The following EFHC1 variants were observed in gnomAD, a reference collection of about 807,000 sequenced individuals.
The protein encoded by EFHC1 is EF-hand domain containing 1, also known as EF-hand domain-containing protein 1.
In EFHC1, 53 loss-of-function variants were observed where a neutral mutation model predicts 69.9. The observed-to-expected ratio is 0.76, with a 90% CI of 0.61 to 0.95. The LOEUF (loss-of-function observed/expected upper bound fraction) is 0.95. Ranked by LOEUF, EFHC1 falls within the 40% of genes least tolerant of loss-of-function variation. EFHC1 has a pLI of 0.00. For synonymous variants in EFHC1, 256 were observed against 278.4 expected, an observed-to-expected ratio of 0.92 and a Z score of 0.80; for missense variants, 739 against 798.7, an observed-to-expected ratio of 0.93 and a Z score of 0.90.
At position 52,495,581 on chromosome 6, in the gene EFHC1, T is replaced by C. The variant is rs774013389; in HGVS notation, c.*3240T>C. 1 of 453,984 alleles carries C rather than the reference T, an allele frequency of 2.2e-6. No individual in the cohort carries two copies. The highest frequency in any genetic ancestry group is 1.6e-5 in the South Asian group (1 of 64,450). The allele number at this position is 453,984 out of a possible 1,614,324, so 28.1% of individuals were successfully genotyped here. A position where few individuals can be genotyped will look rare whatever the true frequency, so the allele number is the denominator to read the frequency against. ...ATCCTCTAGCCTGCTTTTGGCTGTT[T>C]TGTTTTGTTTTTGTGTTTGTTTTTT... On this transcript the variant is annotated 3_prime_UTR_variant, in exon 11 of 11. Transcript: ENST00000371068.
intron 3 of EFHC1, among the ~76,000 whole-genome samples, chr6:52,442,743 C>A (rs1445919382): frequency 6.6e-6 from 1 of 152,164 alleles, no homozygotes. Flanking sequence ...GTGAATAGTG[C>A]CGCAATAAAC....
At chr6:52,492,159 T>C (rs990901131) in intron 10 of EFHC1, 111 bp from the exon 11 acceptor site, 8 of 946,822 alleles carry the variant, frequency 8.4e-6, no homozygotes, top group Non-Finnish European at 8.4e-6. Flanking sequence ...ATACAAAAAT[T>C]CTGAACTGAT....
At chr6:52,471,102 G>T (rs1020095100) in intron 7 of EFHC1, among the ~76,000 whole-genome samples, 1 of 152,226 alleles carries the variant, frequency 6.6e-6, no homozygotes, top group African/African-American at 2.4e-5. Context: ...AATGAGAACC[G>T]CAGAAGTGAA....
intron 5 of EFHC1, among the ~76,000 whole-genome samples, chr6:52,463,390 A>G (rs1002504948): frequency 1.1e-4 from 17 of 152,316 alleles, no homozygotes; most frequent in African/African-American, 3.8e-4. Flanking sequence ...ATCTTCAGCC[A>G]TTAAAGAAAT....
intron 2 of EFHC1, among the ~76,000 whole-genome samples, chr6:52,426,055 A>C (rs1008477714): frequency 6.6e-6 from 1 of 151,932 alleles, no homozygotes; most frequent in Non-Finnish European, 1.5e-5. Flanking sequence ...TTCATCTTCA[A>C]GTTTCATATT....
chr6:52,490,438 C>A, intron 10 of EFHC1, 88 bp downstream of exon 10: 2 of 1,131,862 alleles, frequency 1.8e-6, no homozygotes, highest in Non-Finnish European at 2.7e-6. Context: ...TATTTCACTA[C>A]AACTGGGCCA....
intron 3 of EFHC1, 116 bp from the exon 4 acceptor site, chr6:52,452,572 G>C: frequency 8.2e-7 from 1 of 1,226,540 alleles, no homozygotes; most frequent in Non-Finnish European, 1.2e-6. Context: ...AAAGTGCTGA[G>C]ATTGTAGGCC....
Position 52,493,552 on chromosome 6 carries a change from T to C in EFHC1, c.*1211T>C, listed in dbSNP as rs755509055. 2.3e-6 allele frequency: 1 copy of C among 434,488 alleles called. No homozygotes were observed. Among genetic ancestry groups the C allele is most frequent in the African/African-American group, 2.1e-5 (1 of 48,504 alleles). 26.9% of individuals were successfully genotyped at this position (434,488 alleles called of 1,614,324 possible). ...CTGTAGTCCCAGCCACTCGGGAGGC[T>C]TAAATGGGAGAATCACTTGAACCCT... On this transcript the variant is annotated 3_prime_UTR_variant, in exon 11 of 11. Coordinates refer to ENST00000371068, the MANE Select transcript of EFHC1 (RefSeq NM_018100.4).
chr6:52,423,403 GC>G (rs1764231574), intron 1 of EFHC1, among the ~76,000 whole-genome samples: 1 of 152,312 alleles, frequency 6.6e-6, no homozygotes, highest in Middle Eastern at 3.4e-3. Context: ...ACAGAGCACA[GC>G]TTTAAATTTT....
Position 52,449,768 on chromosome 6 carries a change from T to A in EFHC1, c.574-2920T>A, listed in dbSNP as rs541436596. ...TTTTTAATAAAAACCAACTCCTGGA[T>A]TCATTGATCTTTTGAATGGTTTTTT... On this transcript the variant is annotated intron_variant, in intron 3 of 10. Transcript: ENST00000371068. Among the ~76,000 whole-genome samples, 4 of 152,344 alleles carry A rather than the reference T, an allele frequency of 2.6e-5. No homozygotes were observed. In the East Asian group the frequency reaches 7.7e-4, roughly 29 times the overall value.
intron 3 of EFHC1, among the ~76,000 whole-genome samples, chr6:52,445,257 T>C (rs1764754792): frequency 6.6e-6 from 1 of 151,312 alleles, no homozygotes; most frequent in Admixed American, 6.6e-5. Context: ...AGCTCCTGGA[T>C]TCATTGATTT....
intron 3 of EFHC1, among the ~76,000 whole-genome samples, chr6:52,450,752 T>C (rs535803777): frequency 4.6e-5 from 7 of 152,250 alleles, no homozygotes; most frequent in Admixed American, 1.3e-4. Context: ...CTTCCTTTTT[T>C]ATCTAGCTTG....
At position 52,493,966 on chromosome 6, in the gene EFHC1, T is replaced by C. The variant is rs930017214; in HGVS notation, c.*1625T>C. 1.3e-4 allele frequency: 60 copies of C among 453,980 alleles called. No homozygotes were observed. The highest frequency in any genetic ancestry group is 8.2e-4 in the Admixed American group (35 of 42,524). The allele number at this position is 453,980 out of a possible 1,614,324, so 28.1% of individuals were successfully genotyped here. ...ACGAGCTCAGCCACTTGTAACCAGCTTATTGAAAGGGCTGTGAATGTATTA... is the reference window on the plus strand; with the variant it reads ...ACGAGCTCAGCCACTTGTAACCAGCCTATTGAAAGGGCTGTGAATGTATTA... On this transcript the variant is annotated 3_prime_UTR_variant, in exon 11 of 11. Transcript: ENST00000371068.
At chr6:52,454,386 C>T in intron 5 of EFHC1, 99 bp downstream of exon 5, 3 of 1,463,322 alleles carry the variant, frequency 2.1e-6, no homozygotes, top group Non-Finnish European at 2.8e-6. Context: ...ACTTGGAAGC[C>T]TCTAGCTATT....
rs764635156 is a variant in EFHC1 at position 52,494,560 on chromosome 6, T to C, written c.*2219T>C. ...GTCTGAGTGACATGTGCCGAAAGGC[T>C]GACTCTTTCTCCCAGAGCACCTTTT... On this transcript the variant is annotated 3_prime_UTR_variant, in exon 11 of 11. Coordinates refer to ENST00000371068, the MANE Select transcript of EFHC1 (RefSeq NM_018100.4). 6.6e-6 allele frequency: 3 copies of C among 454,142 alleles called. No homozygotes were observed. The highest frequency in any genetic ancestry group is 1.3e-5 in the Non-Finnish European group (3 of 226,802). 28.1% of individuals were successfully genotyped at this position (454,142 alleles called of 1,614,324 possible). A position where few individuals can be genotyped will look rare whatever the true frequency, so the allele number is the denominator to read the frequency against.
chr6:52,421,842 C>T (rs1237154278), intron 1 of EFHC1, among the ~76,000 whole-genome samples: 1 of 152,140 alleles, frequency 6.6e-6, no homozygotes, highest in Admixed American at 6.5e-5. Flanking sequence ...TGAGCTTAAG[C>T]TTTTGGTGTT....
chr6:52,457,724 A>G (rs1765074688), intron 5 of EFHC1, among the ~76,000 whole-genome samples: 2 of 152,218 alleles, frequency 1.3e-5, no homozygotes, highest in Admixed American at 6.5e-5. Context: ...CCAAGGAACC[A>G]GGTTCTGAAA....
chr6:52,462,534 C>T (rs969870058), intron 5 of EFHC1, among the ~76,000 whole-genome samples: 1 of 152,040 alleles, frequency 6.6e-6, no homozygotes, highest in African/African-American at 2.4e-5. Flanking sequence ...AAGTGACAAA[C>T]TATAGACAAG....
At chr6:52,435,520 C>T (rs1764513049) in intron 2 of EFHC1, among the ~76,000 whole-genome samples, 1 of 152,176 alleles carries the variant, frequency 6.6e-6, no homozygotes, top group Admixed American at 6.5e-5. Flanking sequence ...ATGAGATCAC[C>T]ACTATATCGC....
Sources: allele counts gnomAD v4.1 joint callset (sites outside exome capture counted in the v4.1 genomes callset), GRCh38; gene constraint gnomAD v4.1.1; transcripts MANE v1.5; gene names NCBI Gene and HGNC (gene_info 2026-07-23, HGNC 2026-07-21).